AKAP12: variants seen among roughly 807,000 people sequenced by gnomAD.
The protein encoded by AKAP12 is A-kinase anchor protein 12.
In AKAP12, 32 loss-of-function variants were observed where a neutral mutation model predicts 79.9. The observed-to-expected ratio is 0.40, with a 90% CI of 0.30 to 0.54. AKAP12 has a LOEUF of 0.54. Ranked by LOEUF, AKAP12 falls within the 20% of genes least tolerant of loss-of-function variation. The pLI is 0.48. For missense variants in AKAP12, 2,074 were observed against 2,177.0 expected, an observed-to-expected ratio of 0.95 and a Z score of 0.94; for synonymous variants, 808 against 857.0, an observed-to-expected ratio of 0.94 and a Z score of 1.00.
At chr6:151,320,678 C>T (rs1323194290) in intron 3 of AKAP12, among the ~76,000 whole-genome samples, 5 of 152,272 alleles carry the variant, frequency 3.3e-5, no homozygotes, top group East Asian at 3.9e-4. Context: ...CCCTCACCTT[C>T]GTCACTACTG....
In AKAP12 at chr6:151,353,122, G is replaced by A. The variant is rs201891818; in HGVS notation, c.4731G>A (p.Gln1577=). Residue 1577 remains glutamine (Q), a synonymous_variant, in exon 4 of 5, where the codon CAG becomes CAA. Transcript: ENST00000402676. ...TATEMLTSEL[Q]TQAHVIKADS... ...CCGAAATGTTGACGTCTGAGTTACA[G>A]ACACAAGCTCACGTGATAAAAGCTG... is the stretch of plus-strand genomic sequence containing the variant. 1.2e-6 allele frequency: 2 copies of A among 1,614,098 alleles called. No individual in the cohort carries two copies. The highest frequency in any genetic ancestry group is 2.7e-5 in the African/African-American group (2 of 74,932).
At position 151,352,253 on chromosome 6, in the gene AKAP12, A is replaced by T. The variant is rs781008227; in HGVS notation, c.3862A>T (p.Ile1288Leu). 43 of 1,614,236 alleles carry T rather than the reference A, an allele frequency of 2.7e-5. No homozygotes were observed. The highest frequency in any genetic ancestry group is 3.5e-5 in the Non-Finnish European group (41 of 1,180,038). Reference sequence around the variant, plus strand: ...ATTTTTCGAAGGACTTGAGGGGTCTATAGACACAGGCATAACAGTCAGTCG... The same window carrying T: ...ATTTTTCGAAGGACTTGAGGGGTCTTTAGACACAGGCATAACAGTCAGTCG... ...VPFFEGLEGS[I>L]DTGITVSREK... The change falls in exon 4 of 5, where the codon ATA becomes TTA. Residue 1288 changes from isoleucine (I) to leucine (L), a missense_variant. Ile to Leu is a conservative substitution (Grantham distance 5, BLOSUM62 2). This residue lies in a region of AKAP12 where 614 missense variants were observed against 665.6 expected (regional missense o/e 0.92). Transcript: ENST00000402676.
At chr6:151,302,434 C>T (rs950756736) in intron 2 of AKAP12, among the ~76,000 whole-genome samples, 1 of 152,148 alleles carries the variant, frequency 6.6e-6, no homozygotes, top group Non-Finnish European at 1.5e-5. Flanking sequence ...GCTGGGACTA[C>T]AGCGCACGTC....
chr6:151,350,532 CTGA>C lies in AKAP12; in HGVS notation c.2145_2147del (p.Asp715del). On this transcript the variant is annotated inframe_deletion, in exon 4 of 5. Transcript: ENST00000402676. This position sits in a 1 kb window ranked among gnomAD's most constrained non-coding sequence, Gnocchi z 4.8. ...GCAATGGGAGGAGACCACCAGAAAG[CTGA>C]TGAGGCCGGAAAAGACAAAGAGACG... The C allele has an allele frequency of 6.2e-7, 1 of 1,614,080 alleles. No homozygotes were observed. The highest frequency in any genetic ancestry group is 8.5e-7 in the Non-Finnish European group (1 of 1,180,024).
chr6:151,351,996 C>G lies in AKAP12; in HGVS notation c.3605C>G (p.Ser1202Cys), dbSNP rs201554927. ...ATCCATGAGGAGAATGAGGTCGCAT[C>G]TGGTACCCAGTCAGGGGGCACAGAA... ...VEIHEENEVASGTQSGGTEAE... is the reference protein window; with the variant it reads ...VEIHEENEVACGTQSGGTEAE... Residue 1202 changes from serine (S) to cysteine (C), a missense_variant, in exon 4 of 5, where the codon TCT (serine) becomes TGT (cysteine). Transcript: ENST00000402676. The surrounding 1 kb of genome is among the most constrained non-coding windows in gnomAD (Gnocchi z 4.4). 6 of 1,614,060 alleles carry G rather than the reference C, an allele frequency of 3.7e-6. No individual in the cohort carries two copies. The East Asian group carries it at 1.1e-4, about 30-fold the overall frequency.
intron 2 of AKAP12, among the ~76,000 whole-genome samples, chr6:151,264,083 C>A (rs1338601790): frequency 6.6e-6 from 1 of 152,028 alleles, no homozygotes; most frequent in Non-Finnish European, 1.5e-5. Context: ...GGCACTGTTT[C>A]ATGAGGAAAG....
Position 151,352,652 on chromosome 6 carries a change from C to CT in AKAP12, c.4262dup (p.Thr1422AsnfsTer21). 1 of 1,614,184 alleles carries CT rather than the reference C, an allele frequency of 6.2e-7. No homozygotes were observed. Among genetic ancestry groups the CT allele is most frequent in the Non-Finnish European group, 8.5e-7 (1 of 1,180,044 alleles). On this transcript the variant is annotated frameshift_variant, in exon 4 of 5. Transcript: ENST00000402676. LOFTEE classifies it low-confidence loss of function (END_TRUNC). The stretch of plus-strand genomic sequence containing the variant: ...TCAGAGCTCTGAGGCATCATTCACT[C>CT]TAACAGCGGCTGCAGAGGAGGAAAA...
chr6:151,241,571 T>C (rs1231902658), intron 2 of AKAP12, among the ~76,000 whole-genome samples: 1 of 152,156 alleles, frequency 6.6e-6, no homozygotes, highest in Admixed American at 6.5e-5. Context: ...GCTGGAATAT[T>C]TCTTGTGGGC....
Position 151,350,881 on chromosome 6 carries a change from C to T in AKAP12, c.2490C>T (p.Asp830=), listed in dbSNP as rs202238535. Reference sequence around the variant, plus strand: ...AACAAGAACAAGCCCCTGTTGAAGACGCAGGGCCAACAGGGGCCAACGAAG... The same window carrying T: ...AACAAGAACAAGCCCCTGTTGAAGATGCAGGGCCAACAGGGGCCAACGAAG... ...DGKQEQAPVE[D]AGPTGANEDD... is the part of the protein sequence containing the mutation. Residue 830 remains aspartate (D), a synonymous_variant, in exon 4 of 5, where the codon GAC becomes GAT. Coordinates refer to ENST00000402676, the MANE Select transcript of AKAP12 (RefSeq NM_005100.4). This position sits in a 1 kb window ranked among gnomAD's most constrained non-coding sequence, Gnocchi z 4.8. The T allele has an allele frequency of 9.9e-5, 159 of 1,614,114 alleles. 1 individual carries two copies. Among genetic ancestry groups the T allele is most frequent in the African/African-American group, 2.8e-4 (21 of 75,018 alleles).
intron 2 of AKAP12, among the ~76,000 whole-genome samples, chr6:151,297,024 T>TTG (rs1458965481): frequency 6.6e-6 from 1 of 151,506 alleles, no homozygotes; most frequent in Non-Finnish European, 1.5e-5. Context: ...AAAGGGTTTT[T>TTG]TTTTTTTTTT....
chr6:151,240,413 C>T lies in AKAP12; in HGVS notation c.-150C>T. ...TTGCCGCGAGCGCGTCTCCTTCATTCGCAGGCTGGGCGCGTTCGCAGTCGG... is the reference window on the plus strand; with the variant it reads ...TTGCCGCGAGCGCGTCTCCTTCATTTGCAGGCTGGGCGCGTTCGCAGTCGG... On this transcript the variant is annotated 5_prime_UTR_variant, in exon 2 of 5. Transcript: ENST00000402676. 1.3e-6 allele frequency: 1 copy of T among 788,582 alleles called. No individual in the cohort carries two copies. The highest frequency in any genetic ancestry group is 1.7e-6 in the Non-Finnish European group (1 of 576,290). The allele number at this position is 788,582 out of a possible 1,614,324, so 48.8% of individuals were successfully genotyped here.
At chr6:151,288,145 A>G (rs912916460) in intron 2 of AKAP12, among the ~76,000 whole-genome samples, 5 of 151,760 alleles carry the variant, frequency 3.3e-5, no homozygotes, top group Non-Finnish European at 5.9e-5. Context: ...GCAAATCACC[A>G]TGGCACGTGT....
chr6:151,312,254 T>C (rs977594389), intron 3 of AKAP12, among the ~76,000 whole-genome samples: 4 of 146,228 alleles, frequency 2.7e-5, no homozygotes, highest in Non-Finnish European at 4.5e-5. Context: ...GCGGATCACT[T>C]GAGCCCAGGA....
intron 3 of AKAP12, chr6:151,325,992 C>A (rs1342911250): frequency 2.5e-5 from 38 of 1,496,116 alleles, no homozygotes; most frequent in Non-Finnish European, 3.2e-5. Context: ...CCCGGGAGGT[C>A]AGTGGCGGGA....
intron 2 of AKAP12, among the ~76,000 whole-genome samples, chr6:151,300,585 G>A (rs1363997646): frequency 6.6e-6 from 1 of 152,184 alleles, no homozygotes; most frequent in Non-Finnish European, 1.5e-5. Flanking sequence ...GTGGACTCCT[G>A]TGGAGAAGGA....
At chr6:151,328,811 C>A (rs1777600726) in intron 3 of AKAP12, among the ~76,000 whole-genome samples, 1 of 151,988 alleles carries the variant, frequency 6.6e-6, no homozygotes, top group Admixed American at 6.6e-5. Context: ...GGACTGATGG[C>A]ATTTTGTAGG....
rs143572173 is a variant in AKAP12 at position 151,354,855 on chromosome 6, A to AT, written c.*13-865dup. 1.2e-3 allele frequency among the ~76,000 whole-genome samples: 186 copies of AT among 151,316 alleles called. 6 individuals carry two copies. The East Asian group carries it at 0.031, about 25-fold the overall frequency. On this transcript the variant is annotated intron_variant, in intron 4 of 4. Coordinates refer to ENST00000402676, the MANE Select transcript of AKAP12 (RefSeq NM_005100.4). ...GTCATTACTCCGAGCTAATTGTTAA[A>AT]TTTTTTTGCAGACAGGGGTCTTGCT...
chr6:151,279,486 G>A (rs2114722364), intron 2 of AKAP12, among the ~76,000 whole-genome samples: 1 of 151,932 alleles, frequency 6.6e-6, no homozygotes, highest in African/African-American at 2.4e-5. Context: ...CTTGACTTAG[G>A]AAAAAATGTA....
At chr6:151,274,271 G>T (rs967643042) in intron 2 of AKAP12, among the ~76,000 whole-genome samples, 8 of 151,972 alleles carry the variant, frequency 5.3e-5, no homozygotes, top group African/African-American at 1.4e-4. Context: ...GTAGAGATGG[G>T]TTCTACCATT....
Sources: allele counts gnomAD v4.1 joint callset (sites outside exome capture counted in the v4.1 genomes callset), GRCh38; gene constraint gnomAD v4.1.1; regional missense constraint gnomAD v4.1.1; non-coding constraint Gnocchi (gnomAD v3.1); transcripts MANE v1.5; gene names NCBI Gene and HGNC (gene_info 2026-07-23, HGNC 2026-07-21).